The following NAALADL2 variants were observed in gnomAD, a reference collection of about 807,000 sequenced individuals.
NAALADL2 encodes inactive N-acetylated-alpha-linked acidic dipeptidase-like protein 2.
In NAALADL2, 76 loss-of-function variants were observed where a neutral mutation model predicts 87.2. The observed-to-expected ratio is 0.87, with a 90% CI of 0.72 to 1.05. NAALADL2 has a LOEUF of 1.05. Among genes scored for constraint, NAALADL2 ranks in the 50% least tolerant of loss-of-function variants. The pLI, the probability that NAALADL2 is intolerant of heterozygous loss-of-function variation, is 0.00. For synonymous variants in NAALADL2, 354 were observed against 331.0 expected (o/e 1.07, Z -0.75); for missense variants, 1,089 against 945.8 (o/e 1.15, Z -1.99).
At chr3:175,498,122 C>A (rs1360656077) in intron 9 of NAALADL2, among the ~76,000 whole-genome samples, 1 of 151,964 alleles carries the variant, frequency 6.6e-6, no homozygotes, top group Non-Finnish European at 1.5e-5. Context: ...TGAAAACAGA[C>A]TATTACAGAT....
rs982933555 is a variant in NAALADL2, at chr3:174,730,503, A to G, written c.-114-7138A>G. 3.3e-5 allele frequency among the ~76,000 whole-genome samples: 5 copies of G among 152,280 alleles called. No homozygotes were observed. In the South Asian group the frequency reaches 1.0e-3, roughly 32 times the overall value. ...TATGTCAAAATAAAAGAACTTTTAA[A>G]AGAATATTGAATAAAATGTTCATAT... On this transcript the variant is annotated intron_variant, in intron 2 of 3. Coordinates refer to the NAALADL2 transcript ENST00000434257.
intron 1 of NAALADL2, among the ~76,000 whole-genome samples, chr3:175,018,245 G>A (rs1467626908): frequency 5.3e-5 from 8 of 151,904 alleles, no homozygotes; most frequent in Non-Finnish European, 1.0e-4. Context: ...CGTACACAAG[G>A]TGAATTGGTC....
intron 3 of NAALADL2, among the ~76,000 whole-genome samples, chr3:174,829,163 G>T (rs1336349428): frequency 6.6e-6 from 1 of 151,618 alleles, no homozygotes; most frequent in Non-Finnish European, 1.5e-5. Context: ...TGTACACATT[G>T]TGCAGGTTAG....
chr3:174,875,132 AAAAAAAAAAAT>A (rs1236116645), intron 1 of NAALADL2, among the ~76,000 whole-genome samples: 10 of 150,378 alleles, frequency 6.6e-5, no homozygotes, highest in African/African-American at 2.4e-4. Context: ...AAAAAAAAAA[AAAAAAAAAAAT>A]CACGATTGGC....
At chr3:175,153,116 G>A (rs1450360878) in intron 2 of NAALADL2, among the ~76,000 whole-genome samples, 4 of 151,788 alleles carry the variant, frequency 2.6e-5, no homozygotes, top group Non-Finnish European at 5.9e-5. Context: ...GTATGTCTTA[G>A]TAACAGGAAG....
intron 1 of NAALADL2, among the ~76,000 whole-genome samples, chr3:174,866,432 A>G (rs1311501361): frequency 6.6e-6 from 1 of 151,882 alleles, no homozygotes; most frequent in Admixed American, 6.6e-5. Context: ...AAGGAAAATA[A>G]TAGAAGAATA....
chr3:175,105,582 A>ACG lies in NAALADL2; in HGVS notation c.545+8292_545+8293insGC, dbSNP rs1378099204. On this transcript the variant is annotated intron_variant, in intron 2 of 13. Coordinates refer to ENST00000454872, the MANE Select transcript of NAALADL2 (RefSeq NM_207015.3). ...TATATTTATATATTCATACACACAC[A>ACG]CATACACAAATCCTAATCCATGCTT... is the stretch of plus-strand genomic sequence containing the variant. Among the ~76,000 whole-genome samples the ACG allele has an allele frequency of 4.0e-5, 6 of 149,498 alleles. No homozygotes were observed. In the South Asian group the frequency reaches 1.0e-3, roughly 26 times the overall value.
At chr3:175,317,167 CACA>C (rs1273351407) in intron 4 of NAALADL2, among the ~76,000 whole-genome samples, 1 of 152,086 alleles carries the variant, frequency 6.6e-6, no homozygotes. Flanking sequence ...TAAAAGGGGT[CACA>C]ACATGTTACC....
At chr3:175,786,466 A>T (rs538976658) in intron 13 of NAALADL2, among the ~76,000 whole-genome samples, 94 of 151,990 alleles carry the variant, frequency 6.2e-4, no homozygotes, top group African/African-American at 2.0e-3. Context: ...TCCATTGCTG[A>T]TACCCTTTCT....
chr3:174,841,066 GAAGAAAGAGAAAAAAGAAAAGA>G (rs1259705714), intron 3 of NAALADL2, among the ~76,000 whole-genome samples: 4 of 150,994 alleles, frequency 2.6e-5, no homozygotes, highest in Non-Finnish European at 5.9e-5. Context: ...AGAAGAAAAG[GAAGAAAGAGAAAAAAGAAAAGA>G]AAGAAAAATA....
intron 2 of NAALADL2, among the ~76,000 whole-genome samples, chr3:175,116,248 G>C (rs568448192): frequency 6.6e-6 from 1 of 151,982 alleles, no homozygotes; most frequent in African/African-American, 2.4e-5. Context: ...TGAGGCAAGA[G>C]AAAGAAATAA....
intron 3 of NAALADL2, among the ~76,000 whole-genome samples, chr3:175,243,366 G>A (rs1265974883): frequency 4.7e-5 from 7 of 150,126 alleles, no homozygotes; most frequent in South Asian, 2.1e-4. Context: ...ACACACGCCA[G>A]CACAAACCAG....
chr3:174,835,517 T>TC (rs887752648), intron 3 of NAALADL2, among the ~76,000 whole-genome samples: 5 of 152,034 alleles, frequency 3.3e-5, no homozygotes, highest in African/African-American at 1.2e-4. Context: ...ATATCAAAAT[T>TC]ATAAAGTTCT....
intron 1 of NAALADL2, among the ~76,000 whole-genome samples, chr3:174,981,797 G>A (rs76559738): frequency 0.11 from 16,362 of 151,910 alleles, 2,175 homozygotes; most frequent in African/African-American, 0.31. Flanking sequence ...CCTACCTTTT[G>A]TTTCTTTCCA....
chr3:174,968,017 C>T (rs1436354331), intron 1 of NAALADL2, among the ~76,000 whole-genome samples: 1 of 152,172 alleles, frequency 6.6e-6, no homozygotes, highest in African/African-American at 2.4e-5. Flanking sequence ...TATTTTAAGT[C>T]TCCCTTCACC....
At chr3:174,499,252 T>C (rs1231765707) in intron 1 of NAALADL2, among the ~76,000 whole-genome samples, 4 of 152,070 alleles carry the variant, frequency 2.6e-5, no homozygotes, top group South Asian at 2.1e-4. Flanking sequence ...AGATTTTCAA[T>C]TGGGTTTTTG....
chr3:175,439,644 G>GA (rs1560552762), intron 5 of NAALADL2, among the ~76,000 whole-genome samples: 1 of 151,236 alleles, frequency 6.6e-6, no homozygotes, highest in East Asian at 1.9e-4. Flanking sequence ...ATCTTCTTGT[G>GA]AAAAATGTTT....
intron 9 of NAALADL2, among the ~76,000 whole-genome samples, chr3:175,541,802 A>C (rs1327603172): frequency 3.3e-5 from 5 of 152,148 alleles, no homozygotes; most frequent in Non-Finnish European, 7.4e-5. Flanking sequence ...AGCTCACTGC[A>C]ACCTTTGCCT....
intron 13 of NAALADL2, among the ~76,000 whole-genome samples, chr3:175,778,246 TA>T (rs1417655396): frequency 6.6e-6 from 1 of 152,114 alleles, no homozygotes; most frequent in African/African-American, 2.4e-5. Flanking sequence ...GGTTTGACCA[TA>T]AGAATATATA....
Sources: allele counts gnomAD v4.1 joint callset (sites outside exome capture counted in the v4.1 genomes callset), GRCh38; gene constraint gnomAD v4.1.1; transcripts MANE v1.5; gene names NCBI Gene and HGNC (gene_info 2026-07-23, HGNC 2026-07-21).